The following C9 variants were observed in gnomAD, a reference collection of about 807,000 sequenced individuals.
C9 encodes the protein complement component C9.
C9 carries 63 observed loss-of-function variants against 65.4 expected under a neutral mutation model. That is an observed-to-expected ratio of 0.96 (90% CI 0.79 to 1.19). The LOEUF (loss-of-function observed/expected upper bound fraction) is 1.19. Ranked by LOEUF, C9 falls within the 50% of genes most tolerant of loss-of-function variation. The pLI is 0.00. For missense variants in C9, 744 were observed against 670.1 expected (o/e 1.11, Z -1.22); for synonymous variants, 229 against 227.9 (o/e 1.00, Z -0.04).
chr5:39,341,697 G>A lies in C9; in HGVS notation c.187C>T (p.Arg63Cys), dbSNP rs749534250. Reference protein sequence around the residue: ...QCDPCLRQMFRSRSIEVFGQF... With the variant: ...QCDPCLRQMFCSRSIEVFGQF... ...CCAAAGACCTCAATGCTTCTTGAAC[G>A]AAACTGCACAATATCAGTTGGAATG... The change falls in exon 3 of 11, where the codon CGT becomes TGT. Residue 63 changes from arginine to cysteine, a missense_variant. Transcript: ENST00000263408. 1.7e-5 allele frequency: 27 copies of A among 1,613,754 alleles called. No individual in the cohort carries two copies. The South Asian group carries it at 1.9e-4, about 11-fold the overall frequency.
chr5:39,323,288 A>C lies in C9; in HGVS notation c.616-7259T>G, dbSNP rs563714627. Among the ~76,000 whole-genome samples the C allele has an allele frequency of 6.6e-5, 10 of 152,126 alleles. No homozygotes were observed. The South Asian group carries it at 8.3e-4, about 13-fold the overall frequency. On this transcript the variant is annotated intron_variant, in intron 5 of 10. Coordinates refer to ENST00000263408, the MANE Select transcript of C9 (RefSeq NM_001737.5). Reference sequence around the variant, plus strand: ...CTTAAAATATTCCAAAGAATTGAAGAAGAGGGAATATTTCCAAATTCATTT... The same window carrying C: ...CTTAAAATATTCCAAAGAATTGAAGCAGAGGGAATATTTCCAAATTCATTT...
chr5:39,360,295 A>G (rs1210771303), intron 1 of C9, among the ~76,000 whole-genome samples: 3 of 152,050 alleles, frequency 2.0e-5, no homozygotes, highest in African/African-American at 7.2e-5. Flanking sequence ...AAAGATGAGG[A>G]CCTGAGCCAC....
chr5:39,335,396 G>A (rs558517246), intron 4 of C9, among the ~76,000 whole-genome samples: 2 of 152,278 alleles, frequency 1.3e-5, no homozygotes, highest in South Asian at 4.1e-4. Context: ...GGCCAAGGAA[G>A]AATACACAAT....
intron 1 of C9, among the ~76,000 whole-genome samples, chr5:39,361,614 A>C (rs1466031618): frequency 6.6e-6 from 1 of 152,178 alleles, no homozygotes; most frequent in East Asian, 1.9e-4. Flanking sequence ...GAATTTACTT[A>C]AGGCGCAGAG....
At chr5:39,334,423 C>A (rs925902669) in intron 4 of C9, among the ~76,000 whole-genome samples, 10 of 150,718 alleles carry the variant, frequency 6.6e-5, no homozygotes, top group African/African-American at 2.0e-4. Flanking sequence ...CGGCAGCCGC[C>A]CCGTCTGAGA....
At chr5:39,296,336 A>T in intron 9 of C9, among the ~76,000 whole-genome samples, 1 of 151,650 alleles carries the variant, frequency 6.6e-6, no homozygotes, top group Non-Finnish European at 1.5e-5. Flanking sequence ...AAAATAAATA[A>T]TCTGATTGAA....
At chr5:39,301,318 AC>A (rs1753276681) in intron 9 of C9, among the ~76,000 whole-genome samples, 1 of 152,032 alleles carries the variant, frequency 6.6e-6, no homozygotes, top group Non-Finnish European at 1.5e-5. Context: ...AAGTCTGAAG[AC>A]CTATAACAGA....
In C9 at chr5:39,284,783, A is replaced by G. The variant is rs969671301; in HGVS notation, c.*416T>C. 3 of 174,572 alleles carry G rather than the reference A, an allele frequency of 1.7e-5. No individual in the cohort carries two copies. The highest frequency in any genetic ancestry group is 1.1e-4 in the Admixed American group (2 of 17,704). 10.8% of individuals were successfully genotyped at this position (174,572 alleles called of 1,614,324 possible). A position where few individuals can be genotyped will look rare whatever the true frequency, so the allele number is the denominator to read the frequency against. On this transcript the variant is annotated 3_prime_UTR_variant, in exon 11 of 11. Transcript: ENST00000263408. ...GCAAATAACCAAACTAAACATAACAATGTAAATAAGAGTTAAATTGCATGG... is the reference window on the plus strand; with the variant it reads ...GCAAATAACCAAACTAAACATAACAGTGTAAATAAGAGTTAAATTGCATGG...
chr5:39,338,180 CA>C (rs1439048206), intron 4 of C9, among the ~76,000 whole-genome samples: 1 of 152,080 alleles, frequency 6.6e-6, no homozygotes, highest in African/African-American at 2.4e-5. Context: ...TTCCTTAATT[CA>C]AATATTTGTG....
intron 5 of C9, among the ~76,000 whole-genome samples, chr5:39,322,409 A>G (rs1753679379): frequency 6.6e-6 from 1 of 152,078 alleles, no homozygotes; most frequent in African/African-American, 2.4e-5. Context: ...ATCTATTGTT[A>G]CATCTTAAGG....
At chr5:39,339,331 C>A (rs1329228921) in intron 4 of C9, among the ~76,000 whole-genome samples, 1 of 152,146 alleles carries the variant, frequency 6.6e-6, no homozygotes, top group Non-Finnish European at 1.5e-5. Flanking sequence ...ATGAAGGGCA[C>A]GTGAAATGCT....
chr5:39,312,471 C>G (rs971481754), intron 6 of C9, among the ~76,000 whole-genome samples: 1 of 152,160 alleles, frequency 6.6e-6, no homozygotes, highest in Non-Finnish European at 1.5e-5. Flanking sequence ...AAACCTAGAT[C>G]TCAGGTCTCC....
intron 1 of C9, among the ~76,000 whole-genome samples, chr5:39,362,688 A>G (rs1228650953): frequency 1.3e-5 from 2 of 152,212 alleles, no homozygotes; most frequent in Non-Finnish European, 2.9e-5. Flanking sequence ...AGGCACCTTG[A>G]CCTGAGCCTG....
intron 1 of C9, among the ~76,000 whole-genome samples, chr5:39,357,132 A>G (rs1234431015): frequency 6.6e-6 from 1 of 152,222 alleles, no homozygotes; most frequent in East Asian, 1.9e-4. Flanking sequence ...CCAGTTTTAG[A>G]AAAAGAAAGC....
In C9 at chr5:39,341,276, G is replaced by T. The variant is rs121909592; in HGVS notation, c.346C>A (p.Arg116=). Reference sequence around the variant, plus strand: ...TCATTGTCACCATTACACCGAAGTCGCATCTTTATGCATCTGCCTGCAATC... The same window carrying T: ...TCATTGTCACCATTACACCGAAGTCTCATCTTTATGCATCTGCCTGCAATC... ...QCSTGRCIKM[R]LRCNGDNDCG... Residue 116 remains arginine, a synonymous_variant, in exon 4 of 11, where the codon CGA becomes AGA. Coordinates refer to ENST00000263408, the MANE Select transcript of C9 (RefSeq NM_001737.5). 4 of 1,613,954 alleles carry T rather than the reference G, an allele frequency of 2.5e-6. No individual in the cohort carries two copies. Among genetic ancestry groups the T allele is most frequent in the Admixed American group, 1.7e-5 (1 of 60,014 alleles).
rs115391374 is a variant in C9, at chr5:39,338,168, T to C, written c.476+2978A>G. Among the ~76,000 whole-genome samples the C allele has an allele frequency of 6.3e-3, 957 of 152,356 alleles. 10 individuals carry two copies. The highest frequency in any genetic ancestry group is 0.021 in the African/African-American group (870 of 41,576). On this transcript the variant is annotated intron_variant, in intron 4 of 10. Transcript: ENST00000263408. ...ATTACTGATTTATACCACTCTCCTA[T>C]ATTCCTTAATTCAAATATTTGTGTG...
chr5:39,334,505 C>T (rs1200416503), intron 4 of C9, among the ~76,000 whole-genome samples: 7 of 133,318 alleles, frequency 5.3e-5, no homozygotes, highest in African/African-American at 8.2e-5. Context: ...GCAGCCACCC[C>T]GTCCGGGAGG....
At chr5:39,323,095 A>G (rs557647490) in intron 5 of C9, among the ~76,000 whole-genome samples, 2 of 152,234 alleles carry the variant, frequency 1.3e-5, no homozygotes, top group Admixed American at 6.5e-5. Flanking sequence ...CTAGAAACAT[A>G]CAATCTATCA....
At chr5:39,296,271 C>T (rs891208109) in intron 9 of C9, among the ~76,000 whole-genome samples, 4 of 151,638 alleles carry the variant, frequency 2.6e-5, no homozygotes, top group African/African-American at 7.3e-5. Context: ...AACTATGCAT[C>T]TGACAGGAGA....
Sources: allele counts gnomAD v4.1 joint callset (sites outside exome capture counted in the v4.1 genomes callset), GRCh38; gene constraint gnomAD v4.1.1; transcripts MANE v1.5; gene names NCBI Gene and HGNC (gene_info 2026-07-23, HGNC 2026-07-21).